TNFRSF10D: variants seen among roughly 807,000 people sequenced by gnomAD.
TNFRSF10D encodes TNF receptor superfamily member 10d, also known as tumor necrosis factor receptor superfamily member 10D.
A neutral mutation model predicts 42.1 loss-of-function variants in TNFRSF10D; 28 were observed. That is an observed-to-expected ratio of 0.66 (90% CI 0.49 to 0.91). TNFRSF10D has a LOEUF of 0.91. TNFRSF10D is among the 40% of genes least tolerant of loss of function. The pLI, the probability that TNFRSF10D is intolerant of heterozygous loss-of-function variation, is 0.00. For missense variants in TNFRSF10D, 503 were observed against 486.1 expected (o/e 1.03, Z -0.33); for synonymous variants, 186 against 189.4 (o/e 0.98, Z 0.15).
At position 23,137,714 on chromosome 8, in the gene TNFRSF10D, G is replaced by T. The variant is rs141946377; in HGVS notation, c.*156C>A. The stretch of plus-strand genomic sequence containing the variant: ...ATTTCATAAAAATTACTCCAAGTGC[G>T]TTAACAAAGTTCTAGGACCATTGGT... On this transcript the variant is annotated 3_prime_UTR_variant, in exon 9 of 9. Transcript: ENST00000312584. 2,041 of 928,118 alleles carry T rather than the reference G, an allele frequency of 2.2e-3. No individual in the cohort carries two copies. The highest frequency in any genetic ancestry group is 0.021 in the African/African-American group (1,248 of 60,856). 57.5% of individuals were successfully genotyped at this position (928,118 alleles called of 1,614,324 possible). A position where few individuals can be genotyped will look rare whatever the true frequency, so the allele number is the denominator to read the frequency against.
At chr8:23,149,290 G>A (rs535969675) in intron 2 of TNFRSF10D, among the ~76,000 whole-genome samples, 2 of 151,610 alleles carry the variant, frequency 1.3e-5, no homozygotes, top group Admixed American at 1.3e-4. Context: ...CAGGCTGGAG[G>A]GCAATGGCGC....
intron 7 of TNFRSF10D, among the ~76,000 whole-genome samples, chr8:23,138,726 C>G (rs1169862853): frequency 6.6e-6 from 1 of 152,162 alleles, no homozygotes; most frequent in Non-Finnish European, 1.5e-5. Flanking sequence ...AGTACTCTAC[C>G]ATATCAATAG....
intron 6 of TNFRSF10D, 62 bp downstream of exon 6, chr8:23,144,996 C>T: frequency 6.2e-7 from 1 of 1,609,220 alleles, no homozygotes; most frequent in South Asian, 1.1e-5. Flanking sequence ...CCAGGCTCGG[C>T]AGTGGATGGG....
At chr8:23,155,375 C>T (rs1210877044) in intron 1 of TNFRSF10D, among the ~76,000 whole-genome samples, 457 of 150,936 alleles carry the variant, frequency 3.0e-3, no homozygotes, top group African/African-American at 9.6e-3. Flanking sequence ...GTCTCCCAAG[C>T]AAGTTGGGTA....
rs1814348580 is a variant in TNFRSF10D, at chr8:23,137,321, C to G, written c.*549G>C. 6.6e-6 allele frequency: 1 copy of G among 152,326 alleles called. No individual in the cohort carries two copies. The allele number at this position is 152,326 out of a possible 1,614,324, so 9.4% of individuals were successfully genotyped here. ...ATAATCCCGTTCTAAAGTTAAAAAA[C>G]TATAAGGCAAAGCATTGTGGCTGTG... On this transcript the variant is annotated 3_prime_UTR_variant, in exon 9 of 9. Transcript: ENST00000312584.
chr8:23,137,897 C>T lies in TNFRSF10D; in HGVS notation c.1134G>A (p.Glu378=), dbSNP rs747983759. 3.7e-6 allele frequency: 6 copies of T among 1,614,002 alleles called. No homozygotes were observed. Among genetic ancestry groups the T allele is most frequent in the South Asian group, 1.1e-5 (1 of 91,070 alleles). ...ACAGGCAGGACGTAGCAGAGCCTGC[C>T]TCATCTTCTTCATAAAAGAGCTTTT... ...GSEKLFYEED[E]AGSATSCL Residue 378 remains glutamate, a synonymous_variant, in exon 9 of 9, where the codon GAG becomes GAA. Transcript: ENST00000312584.
In TNFRSF10D at chr8:23,148,497, T is replaced by G; in HGVS notation, c.311A>C (p.Asp104Ala). The G allele has an allele frequency of 6.2e-7, 1 of 1,611,294 alleles. No individual in the cohort carries two copies. The highest frequency in any genetic ancestry group is 8.5e-7 in the Non-Finnish European group (1 of 1,178,164). Reference protein sequence around the residue: ...GACNPCTEGVDYTIASNNLPS... With the variant: ...GACNPCTEGVAYTIASNNLPS... ...CAAATTGTTGGAAGCAATGGTGTAA[T>G]CCACACCCTCTGTGCACGGGTTACA... Residue 104 changes from aspartate (D) to alanine (A), a missense_variant, in exon 3 of 9, where the codon GAT becomes GCT. Asp to Ala is a moderately radical substitution (Grantham distance 126). Coordinates refer to ENST00000312584, the MANE Select transcript of TNFRSF10D (RefSeq NM_003840.5).
chr8:23,159,561 C>A (rs1402170488), intron 1 of TNFRSF10D, among the ~76,000 whole-genome samples: 2 of 151,286 alleles, frequency 1.3e-5, no homozygotes, highest in Non-Finnish European at 2.9e-5. Flanking sequence ...GTAAAACTTG[C>A]ATTAAATAAA....
intron 1 of TNFRSF10D, among the ~76,000 whole-genome samples, chr8:23,155,181 T>A (rs1800259171): frequency 6.6e-6 from 1 of 152,164 alleles, no homozygotes; most frequent in Admixed American, 6.5e-5. Context: ...AACACCTCCG[T>A]ATCCTTTTAT....
intron 4 of TNFRSF10D, 109 bp from the exon 5 acceptor site, chr8:23,146,030 G>T (rs1800115480): frequency 6.7e-6 from 10 of 1,482,642 alleles, no homozygotes; most frequent in African/African-American, 1.4e-5. Context: ...GCGTCAGGAG[G>T]ACAGGCTCCT....
intron 1 of TNFRSF10D, among the ~76,000 whole-genome samples, chr8:23,161,124 A>ATCTG (rs1585266925): frequency 3.6e-3 from 542 of 151,516 alleles, no homozygotes; most frequent in African/African-American, 0.011. Flanking sequence ...GATGTGGTTC[A>ATCTG]TCCTCCCACA....
At chr8:23,141,364 G>A (rs1489423199) in intron 7 of TNFRSF10D, among the ~76,000 whole-genome samples, 1 of 151,980 alleles carries the variant, frequency 6.6e-6, no homozygotes, top group East Asian at 1.9e-4. Context: ...AATTAGCTGG[G>A]CATGGTGGCA....
rs1258804980 is a variant in TNFRSF10D, at chr8:23,145,805, G to A, written c.599C>T (p.Thr200Ile). The stretch of plus-strand genomic sequence containing the variant: ...AGAGGCAAGCATCCCCAGGATGGTG[G>A]TCACTGTCTCCTCCGCTGCTGGGGT... ...GKTPAAEETV[T>I]TILGMLASPY... The change falls in exon 5 of 9, where the codon ACC becomes ATC. Residue 200 changes from threonine to isoleucine, a missense_variant. Transcript: ENST00000312584. 1 of 1,614,120 alleles carries A rather than the reference G, an allele frequency of 6.2e-7. No homozygotes were observed. The highest frequency in any genetic ancestry group is 1.1e-5 in the South Asian group (1 of 91,078).
intron 2 of TNFRSF10D, among the ~76,000 whole-genome samples, chr8:23,152,877 G>T (rs141332021): frequency 6.0e-3 from 911 of 152,150 alleles, no homozygotes; most frequent in African/African-American, 0.019. Flanking sequence ...AATCTAAAAT[G>T]TGTATGGAAC....
intron 7 of TNFRSF10D, among the ~76,000 whole-genome samples, chr8:23,142,378 C>A (rs147057450): frequency 6.6e-6 from 1 of 152,034 alleles, no homozygotes; most frequent in East Asian, 1.9e-4. Flanking sequence ...TGGATGAAGA[C>A]AATGTGGCAT....
chr8:23,147,654 C>T (rs1240967461), intron 3 of TNFRSF10D, among the ~76,000 whole-genome samples: 1 of 152,130 alleles, frequency 6.6e-6, no homozygotes, highest in Admixed American at 6.5e-5. Flanking sequence ...TGGCCAGGCG[C>T]AGTGGCTCAC....
intron 1 of TNFRSF10D, among the ~76,000 whole-genome samples, chr8:23,160,200 TC>T (rs945189181): frequency 7.2e-5 from 11 of 152,300 alleles, no homozygotes; most frequent in African/African-American, 2.6e-4. Flanking sequence ...TCATCTGTCC[TC>T]CCTGGCTCCA....
chr8:23,148,922 G>A (rs1463403637), intron 2 of TNFRSF10D, among the ~76,000 whole-genome samples: 2 of 151,510 alleles, frequency 1.3e-5, no homozygotes, highest in African/African-American at 2.4e-5. Flanking sequence ...CAGGCACGGT[G>A]GCTCACGCCT....
intron 1 of TNFRSF10D, among the ~76,000 whole-genome samples, chr8:23,160,951 C>T (rs189579723): frequency 5.7e-3 from 872 of 152,184 alleles, no homozygotes; most frequent in African/African-American, 0.018. Context: ...CTCTGTTCCT[C>T]GATGGCCCCT....
Sources: gnomAD v4.1 joint callset for allele counts (sites outside exome capture counted in the v4.1 genomes callset) on GRCh38, gnomAD v4.1.1 for gene constraint, MANE v1.5 for transcripts, NCBI Gene and HGNC (gene_info 2026-07-23, HGNC 2026-07-21) for gene names.